The following FRMPD3 variants were observed in gnomAD, a reference collection of about 807,000 sequenced individuals.
FRMPD3 encodes FERM and PDZ domain-containing protein 3.
Under a neutral mutation model 97.9 loss-of-function variants are expected in FRMPD3, and 42 were observed. The observed-to-expected ratio is 0.43, with a 90% CI of 0.34 to 0.55. FRMPD3 has a LOEUF of 0.55. FRMPD3 is among the 20% of genes least tolerant of loss of function. FRMPD3 has a pLI of 0.03. For synonymous variants in FRMPD3, 577 were observed against 581.1 expected (o/e 0.99, Z 0.10); for missense variants, 1,303 against 1,457.7 (o/e 0.89, Z 1.73).
At chrX:107,496,796 G>C (rs1921786280) in intron 1 of FRMPD3, among the ~76,000 whole-genome samples, 1 of 112,032 alleles carries the variant, frequency 8.9e-6, no homozygotes, top group South Asian at 3.8e-4. Flanking sequence ...TGGGGCTGCA[G>C]CTGAAAAAGC....
chrX:107,548,865 A>C (rs1338733856), intron 5 of FRMPD3, among the ~76,000 whole-genome samples: 1 of 111,567 alleles, frequency 9.0e-6, no homozygotes, highest in East Asian at 2.8e-4. Context: ...AAAACAAAAC[A>C]AAATACGGTA....
At chrX:107,506,080 G>A (rs772913861) in intron 1 of FRMPD3, among the ~76,000 whole-genome samples, 1 of 112,299 alleles carries the variant, frequency 8.9e-6, no homozygotes, top group African/African-American at 3.2e-5. Flanking sequence ...CCCAGACCTC[G>A]AAGACTCAGT....
intron 1 of FRMPD3, among the ~76,000 whole-genome samples, chrX:107,521,221 A>C (rs1210450100): frequency 8.9e-6 from 1 of 112,684 alleles, no homozygotes; most frequent in Non-Finnish European, 1.9e-5. Context: ...ACAAAAGATA[A>C]CATTTATGTT....
chrX:107,456,687 C>T lies in FRMPD3; in HGVS notation c.-8+6682C>T, dbSNP rs982819321. Among the ~76,000 whole-genome samples, 3 of 112,096 alleles carry T rather than the reference C, an allele frequency of 2.7e-5. 1 individual carries two copies. Among genetic ancestry groups the T allele is most frequent in the Middle Eastern group, 8.4e-3 (2 of 237 alleles). On this transcript the variant is annotated intron_variant, in intron 1 of 14. Transcript: ENST00000683843. ...ACGGACGTTCCAAAAAAGTTCCACA[C>T]GTGACATTTGGTTGTTATGTCTCTA...
intron 2 of FRMPD3, among the ~76,000 whole-genome samples, chrX:107,528,296 A>G (rs1324526600): frequency 8.9e-6 from 1 of 112,071 alleles, no homozygotes; most frequent in East Asian, 2.8e-4. Flanking sequence ...ACAGAGGAGC[A>G]ATTATGGTTG....
chrX:107,520,679 C>G (rs1185315425), intron 1 of FRMPD3, among the ~76,000 whole-genome samples: 1 of 111,437 alleles, frequency 9.0e-6, no homozygotes, highest in East Asian at 2.8e-4. Flanking sequence ...AACAACAAAA[C>G]CCCTACTTTA....
chrX:107,528,554 A>G (rs1419756281), intron 2 of FRMPD3, among the ~76,000 whole-genome samples: 1 of 112,524 alleles, frequency 8.9e-6, no homozygotes, highest in African/African-American at 3.2e-5. Context: ...TGGTATAATA[A>G]CTACCATTTA....
chrX:107,525,749 G>A (rs897721806), intron 1 of FRMPD3: 28 of 523,685 alleles, frequency 5.3e-5, no homozygotes, highest in Non-Finnish European at 9.3e-5. Flanking sequence ...ATTTATTTTT[G>A]TATACAACTT....
At position 107,468,359 on chromosome X, in the gene FRMPD3, T is replaced by C. The variant is rs1205154984; in HGVS notation, c.-8+18354T>C. On this transcript the variant is annotated intron_variant, in intron 1 of 14. Coordinates refer to ENST00000683843, the MANE Select transcript of FRMPD3 (RefSeq NM_001388459.1). ...TTTTCATTCAACGAACAAATATTCA[T>C]TGAGCACCTCCTATGTGCCAGGCTC... 1.8e-5 allele frequency among the ~76,000 whole-genome samples: 2 copies of C among 112,447 alleles called. 1 individual carries two copies. The highest frequency in any genetic ancestry group is 6.5e-5 in the African/African-American group (2 of 30,928).
chrX:107,511,960 C>T (rs1285160572), intron 1 of FRMPD3, among the ~76,000 whole-genome samples: 1 of 111,426 alleles, frequency 9.0e-6, no homozygotes. Context: ...CTGCCAACTC[C>T]ACTTTTCCCA....
At chrX:107,558,467 A>T (rs916119550) in intron 8 of FRMPD3, among the ~76,000 whole-genome samples, 3 of 110,759 alleles carry the variant, frequency 2.7e-5, no homozygotes, top group Non-Finnish European at 5.7e-5. Context: ...ATCTCTATAC[A>T]AAAAGATTTA....
At chrX:107,502,096 T>G (rs16985206) in intron 1 of FRMPD3, among the ~76,000 whole-genome samples, 3,060 of 109,744 alleles carry the variant, frequency 0.028, 109 homozygotes, top group African/African-American at 0.096. Flanking sequence ...CCATGCACGT[T>G]AACAAAGCAG....
intron 8 of FRMPD3, among the ~76,000 whole-genome samples, chrX:107,560,052 G>GGC (rs1922276751): frequency 9.4e-6 from 1 of 106,354 alleles, no homozygotes; most frequent in Non-Finnish European, 1.9e-5. Context: ...AGGCTATCTA[G>GGC]TATCTGCTGA....
chrX:107,496,851 A>G (rs1326807142), intron 1 of FRMPD3, among the ~76,000 whole-genome samples: 2 of 112,538 alleles, frequency 1.8e-5, no homozygotes, highest in Admixed American at 1.9e-4. Context: ...GGGCAACAGC[A>G]GTGGGTTGCC....
intron 8 of FRMPD3, among the ~76,000 whole-genome samples, chrX:107,555,483 T>G (rs928283237): frequency 8.9e-6 from 1 of 112,300 alleles, no homozygotes; most frequent in African/African-American, 3.2e-5. Flanking sequence ...CCAGTCCTAC[T>G]GAGTCAGAAA....
intron 1 of FRMPD3, among the ~76,000 whole-genome samples, chrX:107,482,591 G>A (rs1230128007): frequency 9.0e-6 from 1 of 111,396 alleles, no homozygotes; most frequent in East Asian, 2.8e-4. Context: ...GGAGGAATAG[G>A]GGCTCTTCAG....
chrX:107,483,863 G>C (rs937499926), intron 1 of FRMPD3, among the ~76,000 whole-genome samples: 1 of 111,629 alleles, frequency 9.0e-6, no homozygotes, highest in African/African-American at 3.3e-5. Flanking sequence ...TCTGGATGGA[G>C]GCCTCCTGTT....
intron 12 of FRMPD3, among the ~76,000 whole-genome samples, chrX:107,567,239 G>A (rs1026343623): frequency 4.5e-5 from 5 of 111,451 alleles, no homozygotes; most frequent in Admixed American, 1.9e-4. Context: ...TCCCAAGTCG[G>A]CCTCCCAAAG....
intron 13 of FRMPD3, among the ~76,000 whole-genome samples, chrX:107,587,956 G>A (rs903327529): frequency 6.3e-5 from 7 of 110,303 alleles, no homozygotes; most frequent in Non-Finnish European, 1.3e-4. Flanking sequence ...TGTATTTTTA[G>A]TAGAGAGAGA....
Sources: gnomAD v4.1 joint callset for allele counts (sites outside exome capture counted in the v4.1 genomes callset) on GRCh38, gnomAD v4.1.1 for gene constraint, MANE v1.5 for transcripts, NCBI Gene and HGNC (gene_info 2026-07-23, HGNC 2026-07-21) for gene names.